Variants in TCTN1 observed in about 807,000 individuals in gnomAD.
The protein encoded by TCTN1 is tectonic-1.
In TCTN1, 58 loss-of-function variants were observed where a neutral mutation model predicts 65.8. The ratio of observed to expected loss-of-function variants is 0.88; its 90% CI spans 0.71 to 1.10. The LOEUF (loss-of-function observed/expected upper bound fraction) is 1.10, where lower values mean the gene tolerates loss of function less well. TCTN1 is among the 50% of genes least tolerant of loss of function. The pLI is 0.00. For synonymous variants in TCTN1, 273 were observed against 289.1 expected, an observed-to-expected ratio of 0.94 and a Z score of 0.57; for missense variants, 645 against 719.4, an observed-to-expected ratio of 0.90 and a Z score of 1.18.
chr12:110,617,645 C>CTT (rs796301279), intron 1 of TCTN1, among the ~76,000 whole-genome samples: 4 of 142,500 alleles, frequency 2.8e-5, no homozygotes, highest in African/African-American at 7.7e-5. Flanking sequence ...CTTTTTCTTT[C>CTT]TTTTTTTTTT....
intron 5 of TCTN1, among the ~76,000 whole-genome samples, chr12:110,633,318 T>A (rs1009834162): frequency 1.6e-4 from 25 of 152,162 alleles, no homozygotes; most frequent in African/African-American, 5.3e-4. Flanking sequence ...GAAAAGACAA[T>A]CTTGCACACA....
At chr12:110,621,970 T>C (rs964047428) in intron 2 of TCTN1, among the ~76,000 whole-genome samples, 1 of 151,566 alleles carries the variant, frequency 6.6e-6, no homozygotes, top group Non-Finnish European at 1.5e-5. Context: ...AAACCCCGTG[T>C]CTACTAAAAA....
intron 9 of TCTN1, 97 bp downstream of exon 9, chr12:110,641,246 C>A: frequency 6.5e-7 from 1 of 1,532,544 alleles, no homozygotes; most frequent in Non-Finnish European, 8.9e-7. Flanking sequence ...GTATTACATC[C>A]AAGCCTTTGT....
At chr12:110,635,912 C>T (rs1358928556) in intron 6 of TCTN1, 1 of 154,876 alleles carries the variant, frequency 6.5e-6, no homozygotes, top group African/African-American at 2.4e-5. Flanking sequence ...CTTGGGCATC[C>T]AGGTACAGTT....
At chr12:110,615,456 A>T (rs2064971849) in intron 1 of TCTN1, among the ~76,000 whole-genome samples, 1 of 152,054 alleles carries the variant, frequency 6.6e-6, no homozygotes, top group Non-Finnish European at 1.5e-5. Flanking sequence ...ACCCCAATAG[A>T]TATGCAGTAC....
At chr12:110,638,795 G>T (rs1337500386) in intron 7 of TCTN1, among the ~76,000 whole-genome samples, 1 of 152,194 alleles carries the variant, frequency 6.6e-6, no homozygotes, top group Non-Finnish European at 1.5e-5. Flanking sequence ...GGAACCCGGT[G>T]TCATTGCTGA....
In TCTN1 at chr12:110,619,866, C is replaced by T. The variant is rs753313045; in HGVS notation, c.251C>T (p.Pro84Leu). 186 of 1,614,024 alleles carry T rather than the reference C, an allele frequency of 1.2e-4. No homozygotes were observed. The highest frequency in any genetic ancestry group is 1.5e-4 in the Non-Finnish European group (177 of 1,180,040). Residue 84 changes from proline (P) to leucine (L), a missense_variant, in exon 2 of 15, where the codon CCA becomes CTA. Coordinates refer to ENST00000397659, the MANE Select transcript of TCTN1 (RefSeq NM_001082538.3). ...GTTCTCTGTGTCTGTGACTTATCCC[C>T]AGCACAGTGTGACATCAACTGCTGC... is the stretch of plus-strand genomic sequence containing the variant. ...VAVLCVCDLS[P>L]AQCDINCCCD... is the part of the protein sequence containing the mutation.
At chr12:110,636,196 A>AAT (rs1294785462) in intron 6 of TCTN1, 1 of 399,892 alleles carries the variant, frequency 2.5e-6, no homozygotes, top group East Asian at 5.7e-5. Context: ...ACCATGTGGA[A>AAT]ATATACAATA....
At chr12:110,627,098 CTT>C (rs1272922586) in intron 3 of TCTN1, among the ~76,000 whole-genome samples, 24 of 130,606 alleles carry the variant, frequency 1.8e-4, no homozygotes, top group Non-Finnish European at 1.8e-4. Context: ...TTCTTTCTTT[CTT>C]TTTTTTTTTT....
Position 110,649,149 on chromosome 12 carries a change from C to T in TCTN1, c.*108C>T, listed in dbSNP as rs1353813358. ...CTAGCAATTGTCCAGCTTTGTTGCT[C>T]ATTTTCAATTAAGGCTAAAGTGTTC... On this transcript the variant is annotated 3_prime_UTR_variant, in exon 15 of 15. Transcript: ENST00000397659. 6 of 678,050 alleles carry T rather than the reference C, an allele frequency of 8.8e-6. No individual in the cohort carries two copies. Among genetic ancestry groups the T allele is most frequent in the Non-Finnish European group, 5.3e-6 (2 of 373,832 alleles). The allele number at this position is 678,050 out of a possible 1,614,324, so 42.0% of individuals were successfully genotyped here. A position where few individuals can be genotyped will look rare whatever the true frequency, so the allele number is the denominator to read the frequency against.
intron 7 of TCTN1, among the ~76,000 whole-genome samples, chr12:110,637,438 G>A (rs145499785): frequency 4.7e-4 from 72 of 152,350 alleles, no homozygotes; most frequent in African/African-American, 1.7e-3. Context: ...ACAACGGTGT[G>A]TGAGGCTGGA....
In TCTN1 at chr12:110,644,416, C is replaced by G. The variant is rs145257339; in HGVS notation, c.1332-551C>G. ...TGGGGCTGAGAGCAGTGGCTCACGC[C>G]TGTAATCCCAGCACTTCGGGAGGCT... On this transcript the variant is annotated intron_variant, in intron 11 of 14. Transcript: ENST00000397659. The surrounding 1 kb of genome is among the most constrained non-coding windows in gnomAD (Gnocchi z 4.6). 49 of 172,084 alleles carry G rather than the reference C, an allele frequency of 2.8e-4. No individual in the cohort carries two copies. Among genetic ancestry groups the G allele is most frequent in the African/African-American group, 1.2e-3 (48 of 41,686 alleles). The allele number at this position is 172,084 out of a possible 1,614,324, so 10.7% of individuals were successfully genotyped here.
intron 7 of TCTN1, among the ~76,000 whole-genome samples, chr12:110,636,790 G>A (rs1429718511): frequency 6.6e-6 from 1 of 152,202 alleles, no homozygotes; most frequent in Non-Finnish European, 1.5e-5. Context: ...GGACATTCAG[G>A]CTATCCCTTG....
rs749682297 is a variant in TCTN1, at chr12:110,645,139, A to G, written c.1494+10A>G. ...GTCATTCAACAGGAAGGTAAAGGGGAGAAGGTACAGGTTCCATGCTAGTGG... is the reference window on the plus strand; with the variant it reads ...GTCATTCAACAGGAAGGTAAAGGGGGGAAGGTACAGGTTCCATGCTAGTGG... On this transcript the variant is annotated intron_variant, in intron 12 of 14. Coordinates refer to ENST00000397659, the MANE Select transcript of TCTN1 (RefSeq NM_001082538.3). 25 of 1,613,532 alleles carry G rather than the reference A, an allele frequency of 1.5e-5. No individual in the cohort carries two copies. Among genetic ancestry groups the G allele is most frequent in the African/African-American group, 2.7e-5 (2 of 74,892 alleles).
chr12:110,634,727 A>T lies in TCTN1; in HGVS notation c.770A>T (p.Glu257Val). Reference sequence around the variant, plus strand: ...AGAAAAATAAATTTAGAACAGTGTGAAGAAATTGAAGCCCTCAGCATGGCT... The same window carrying T: ...AGAAAAATAAATTTAGAACAGTGTGTAGAAATTGAAGCCCTCAGCATGGCT... ...CTRKINLEQCEEIEALSMAFY... is the reference protein window; with the variant it reads ...CTRKINLEQCVEIEALSMAFY... Residue 257 changes from glutamate (E) to valine (V), a missense_variant, in exon 6 of 15, where the codon GAA (glutamate) becomes GTA (valine). By Grantham distance (121) the Glu-to-Val change is moderately radical. Coordinates refer to ENST00000397659, the MANE Select transcript of TCTN1 (RefSeq NM_001082538.3). 1.9e-6 allele frequency: 3 copies of T among 1,612,512 alleles called. No individual in the cohort carries two copies. The highest frequency in any genetic ancestry group is 2.5e-6 in the Non-Finnish European group (3 of 1,179,262).
Position 110,614,401 on chromosome 12 carries a change from C to G in TCTN1, c.219C>G (p.Asp73Glu), listed in dbSNP as rs748298895. The G allele has an allele frequency of 4.4e-6, 7 of 1,593,366 alleles. No homozygotes were observed. The South Asian group carries it at 6.8e-5, about 16-fold the overall frequency. ...SSGPRPTPVTDVAVLCVCDLS... is the reference protein window; with the variant it reads ...SSGPRPTPVTEVAVLCVCDLS... ...GCCCCAGGCCTACCCCAGTCACGGA[C>G]GGTGGGTACCATGTGCCAGCTCCTG... The change falls in exon 1 of 15, where the codon GAC becomes GAG. Residue 73 changes from aspartate to glutamate, a missense_variant and splice_region_variant. Physicochemically the swap from Asp to Glu is conservative, Grantham distance 45. Coordinates refer to ENST00000397659, the MANE Select transcript of TCTN1 (RefSeq NM_001082538.3).
intron 10 of TCTN1, chr12:110,642,023 T>C (rs1016869638): frequency 1.7e-6 from 1 of 604,670 alleles, no homozygotes; most frequent in South Asian, 2.0e-5. Flanking sequence ...TTTGAAAATT[T>C]AGAATTTCAA....
Position 110,647,312 on chromosome 12 carries a change from T to C in TCTN1, c.1611T>C (p.Asn537=). The C allele has an allele frequency of 6.2e-7, 1 of 1,614,200 alleles. No individual in the cohort carries two copies. The highest frequency in any genetic ancestry group is 8.5e-7 in the Non-Finnish European group (1 of 1,180,040). ...PQAKIVNVTA[N]LISSSFPEAN... ...CCAAAATAGTCAATGTAACTGCAAATCTAATTTCATCCTCCTTTCCTGAGG... is the reference window on the plus strand; with the variant it reads ...CCAAAATAGTCAATGTAACTGCAAACCTAATTTCATCCTCCTTTCCTGAGG... Residue 537 remains asparagine (N), a synonymous_variant, in exon 13 of 15, where the codon AAT becomes AAC. Transcript: ENST00000397659.
intron 11 of TCTN1, 37 bp downstream of exon 11, chr12:110,642,426 G>C: frequency 1.2e-6 from 2 of 1,614,050 alleles, no homozygotes; most frequent in Non-Finnish European, 1.7e-6. Flanking sequence ...AACTTGTGCT[G>C]ATCAGAAAAC....
Sources: allele counts gnomAD v4.1 joint callset (sites outside exome capture counted in the v4.1 genomes callset), GRCh38; gene constraint gnomAD v4.1.1; non-coding constraint Gnocchi (gnomAD v3.1); transcripts MANE v1.5; gene names NCBI Gene and HGNC (gene_info 2026-07-23, HGNC 2026-07-21).